ESCO1: variants seen among roughly 807,000 people sequenced by gnomAD.
ESCO1 encodes establishment of sister chromatid cohesion N-acetyltransferase 1.
Under a neutral mutation model 83.5 loss-of-function variants are expected in ESCO1, and 33 were observed. The ratio of observed to expected loss-of-function variants is 0.40; its 90% confidence interval spans 0.30 to 0.53. ESCO1 has a LOEUF of 0.53. Ranked by LOEUF, ESCO1 falls within the 20% of genes least tolerant of loss-of-function variation. ESCO1 has a pLI of 0.63. For synonymous variants in ESCO1, 332 were observed against 324.3 expected (o/e 1.02, Z -0.25); for missense variants, 855 against 968.0 (o/e 0.88, Z 1.55).
chr18:21,587,894 G>A (rs751463562), intron 1 of ESCO1, among the ~76,000 whole-genome samples: 5 of 151,584 alleles, frequency 3.3e-5, no homozygotes, highest in Non-Finnish European at 7.4e-5. Context: ...ACAGCAAAAC[G>A]TCAAAACAAA....
intron 10 of ESCO1, among the ~76,000 whole-genome samples, chr18:21,534,991 G>C (rs969563862): frequency 6.6e-5 from 10 of 151,998 alleles, no homozygotes; most frequent in African/African-American, 2.4e-4. Context: ...GGTCTCTGTT[G>C]CAACTATTCA....
chr18:21,599,242 G>C (rs528344098), intron 1 of ESCO1, among the ~76,000 whole-genome samples: 1 of 152,196 alleles, frequency 6.6e-6, no homozygotes, highest in Non-Finnish European at 1.5e-5. Flanking sequence ...GGAGGCGGAG[G>C]TGGGAGGATT....
chr18:21,560,525 T>C (rs576125003), intron 8 of ESCO1, among the ~76,000 whole-genome samples: 1 of 152,056 alleles, frequency 6.6e-6, no homozygotes, highest in Admixed American at 6.6e-5. Context: ...ATTAAATAGA[T>C]TTATCAATAG....
At chr18:21,579,790 GCGCGCA>G (rs1260357120) in intron 2 of ESCO1, among the ~76,000 whole-genome samples, 3 of 40,260 alleles carry the variant, frequency 7.5e-5, no homozygotes, top group Non-Finnish European at 2.5e-4. Context: ...ACACACGCGC[GCGCGCA>G]CACACACACA....
At chr18:21,587,073 T>C (rs562312372) in intron 1 of ESCO1, among the ~76,000 whole-genome samples, 6 of 152,350 alleles carry the variant, frequency 3.9e-5, no homozygotes, top group Admixed American at 1.3e-4. Flanking sequence ...AACTGTGCAC[T>C]GCAGGGATAA....
chr18:21,569,745 G>A (rs1034190183), intron 4 of ESCO1, among the ~76,000 whole-genome samples: 1 of 152,254 alleles, frequency 6.6e-6, no homozygotes, highest in Non-Finnish European at 1.5e-5. Context: ...AGTTACTCAC[G>A]AGGCTAAGGC....
intron 8 of ESCO1, among the ~76,000 whole-genome samples, chr18:21,544,340 C>T (rs1568094258): frequency 6.6e-6 from 1 of 151,846 alleles, no homozygotes; most frequent in African/African-American, 2.4e-5. Context: ...GGCATGGTGG[C>T]TCACACCTGT....
chr18:21,546,337 C>G (rs1440640549), intron 8 of ESCO1, among the ~76,000 whole-genome samples: 1 of 151,976 alleles, frequency 6.6e-6, no homozygotes, highest in Non-Finnish European at 1.5e-5. Flanking sequence ...CACTTGAGCC[C>G]AGGAGTTCTA....
Position 21,573,951 on chromosome 18 carries a change from C to T in ESCO1, c.893G>A (p.Ser298Asn), listed in dbSNP as rs779110201. 6.2e-7 allele frequency: 1 copy of T among 1,613,982 alleles called. No individual in the cohort carries two copies. The highest frequency in any genetic ancestry group is 1.1e-5 in the South Asian group (1 of 91,080). Reference sequence around the variant, plus strand: ...GAGCTGGAGAATACTACCTCGTTTGCTCTTTCCTGCTTGCTCCAGCTCATT... The same window carrying T: ...GAGCTGGAGAATACTACCTCGTTTGTTCTTTCCTGCTTGCTCCAGCTCATT... ...SDNELEQAGKSKRGSILQLCE... is the reference protein window; with the variant it reads ...SDNELEQAGKNKRGSILQLCE... Residue 298 changes from serine (S) to asparagine (N), a missense_variant, in exon 4 of 12, where the codon AGC (serine) becomes AAC (asparagine). By Grantham distance (46) the Ser-to-Asn change is conservative (BLOSUM62 1). This residue lies in a region of ESCO1 where 726 missense variants were observed against 699.5 expected (regional missense o/e 1.04). Transcript: ENST00000269214.
chr18:21,539,068 C>T (rs1410387663), intron 9 of ESCO1, among the ~76,000 whole-genome samples: 2 of 151,852 alleles, frequency 1.3e-5, no homozygotes, highest in Non-Finnish European at 2.9e-5. Flanking sequence ...CTGCCTCACA[C>T]TAGATAAAAT....
chr18:21,568,145 A>T, intron 4 of ESCO1, 51 bp from the exon 5 acceptor site: 1 of 1,351,842 alleles, frequency 7.4e-7, no homozygotes, highest in Non-Finnish European at 1.0e-6. Flanking sequence ...TTTTATCTAA[A>T]TAAACTTTCA....
At chr18:21,540,701 C>A (rs757699976) in intron 8 of ESCO1, 3 of 1,274,064 alleles carry the variant, frequency 2.4e-6, no homozygotes, top group Non-Finnish European at 2.0e-6. Flanking sequence ...TGAGCAGAAC[C>A]TGCATAAAAA....
At chr18:21,553,091 A>T (rs1325913282) in intron 8 of ESCO1, among the ~76,000 whole-genome samples, 1 of 152,192 alleles carries the variant, frequency 6.6e-6, no homozygotes, top group Non-Finnish European at 1.5e-5. Flanking sequence ...GGAGTTTGTG[A>T]CCAAGCTGGG....
chr18:21,570,142 G>C (rs1366913071), intron 4 of ESCO1, among the ~76,000 whole-genome samples: 5 of 152,152 alleles, frequency 3.3e-5, no homozygotes, highest in Non-Finnish European at 7.3e-5. Flanking sequence ...CTGTCACCCA[G>C]GCTGGAATGC....
Position 21,538,368 on chromosome 18 carries a change from G to A in ESCO1, c.2043+1552C>T, listed in dbSNP as rs946456694. On this transcript the variant is annotated intron_variant, in intron 9 of 11. Transcript: ENST00000269214. ...AGCACCCATAACTACTACACTGTTCGTGGGTCAGCTGTGGTTAATCACTGA... is the reference window on the plus strand; with the variant it reads ...AGCACCCATAACTACTACACTGTTCATGGGTCAGCTGTGGTTAATCACTGA... Among the ~76,000 whole-genome samples the A allele has an allele frequency of 7.9e-5, 12 of 151,256 alleles. 1 individual carries two copies. Among genetic ancestry groups the A allele is most frequent in the African/African-American group, 2.7e-4 (11 of 41,122 alleles).
At position 21,599,773 on chromosome 18, in the gene ESCO1, G is replaced by C. The variant is rs139419968; in HGVS notation, c.-825+850C>G. ...GCCCCGGAAAATAAAGCACACGCCG[G>C]ATTTTCGGACGCATCATTGAGAGGC... On this transcript the variant is annotated intron_variant, in intron 1 of 11. Transcript: ENST00000269214. 5.8e-4 allele frequency among the ~76,000 whole-genome samples: 88 copies of C among 152,254 alleles called. No homozygotes were observed. The East Asian group carries it at 0.015, about 26-fold the overall frequency.
chr18:21,574,904 C>T lies in ESCO1; in HGVS notation c.-61G>A, dbSNP rs2038399734. On this transcript the variant is annotated 5_prime_UTR_variant, in exon 4 of 12. Transcript: ENST00000269214. ...AAGAGGATTTTTGTGTCCTGGTAGG[C>T]GTGAATGCTGACTAGCTAGTATTAT... The T allele has an allele frequency of 4.6e-6, 6 of 1,314,036 alleles. No individual in the cohort carries two copies. The highest frequency in any genetic ancestry group is 1.5e-5 in the South Asian group (1 of 67,962). 81.4% of individuals were successfully genotyped at this position (1,314,036 alleles called of 1,614,324 possible).
At chr18:21,581,336 A>AG (rs1389019565) in intron 2 of ESCO1, among the ~76,000 whole-genome samples, 1 of 151,900 alleles carries the variant, frequency 6.6e-6, no homozygotes, top group Non-Finnish European at 1.5e-5. Context: ...AAAAAAAAAA[A>AG]CAGGGTAGAT....
At chr18:21,580,922 G>A (rs1026287825) in intron 2 of ESCO1, among the ~76,000 whole-genome samples, 30 of 152,122 alleles carry the variant, frequency 2.0e-4, no homozygotes, top group African/African-American at 4.1e-4. Flanking sequence ...CCCAGGAGGC[G>A]GAGGTTGCGG....
Sources: allele counts gnomAD v4.1 joint callset (sites outside exome capture counted in the v4.1 genomes callset), GRCh38; gene constraint gnomAD v4.1.1; regional missense constraint gnomAD v4.1.1; transcripts MANE v1.5; gene names NCBI Gene and HGNC (gene_info 2026-07-23, HGNC 2026-07-21).